The following RPS6KC1 variants were observed in gnomAD, a reference collection of about 807,000 sequenced individuals.
RPS6KC1 encodes inactive ribosomal protein S6 kinase delta-1.
Under a neutral mutation model 103.8 loss-of-function variants are expected in RPS6KC1, and 54 were observed. The ratio of observed to expected loss-of-function variants is 0.52; its 90% CI spans 0.42 to 0.65. The LOEUF (loss-of-function observed/expected upper bound fraction) is 0.65. RPS6KC1 is among the 30% of genes least tolerant of loss of function. The pLI is 0.00. For missense variants in RPS6KC1, 1,151 were observed against 1,253.8 expected (o/e 0.92, Z 1.24); for synonymous variants, 439 against 438.7 (o/e 1.00, Z -0.01).
At chr1:213,123,802 C>T (rs1012563293) in intron 5 of RPS6KC1, among the ~76,000 whole-genome samples, 1 of 152,022 alleles carries the variant, frequency 6.6e-6, no homozygotes, top group Non-Finnish European at 1.5e-5. Context: ...CCTCAGGGCT[C>T]AGTGAAAGCT....
the RPS6KC1 span, among the ~76,000 whole-genome samples, chr1:213,578,064 G>T: frequency 6.6e-6 from 1 of 152,234 alleles, no homozygotes; most frequent in African/African-American, 2.4e-5. Flanking sequence ...GGGCTTTGCT[G>T]CACTGTGCAG....
At chr1:213,850,361 G>A in the RPS6KC1 span, among the ~76,000 whole-genome samples, 1,474 of 152,236 alleles carry the variant, frequency 9.7e-3, 13 homozygotes, top group South Asian at 0.056. Context: ...AGGACACTGT[G>A]TGTTTTACTG....
the RPS6KC1 span, among the ~76,000 whole-genome samples, chr1:213,808,495 TC>T: frequency 1.3e-5 from 2 of 152,148 alleles, no homozygotes. Context: ...TGGGTGCCCC[TC>T]CCCCAGCCTC....
At chr1:213,146,952 A>T (rs1377380813) in intron 6 of RPS6KC1, among the ~76,000 whole-genome samples, 17 of 152,132 alleles carry the variant, frequency 1.1e-4, no homozygotes, top group Admixed American at 1.1e-3. Context: ...ATGATCAGTG[A>T]TGTTGAGCAC....
At chr1:213,577,688 G>T in the RPS6KC1 span, among the ~76,000 whole-genome samples, 1 of 152,332 alleles carries the variant, frequency 6.6e-6, no homozygotes, top group South Asian at 2.1e-4. Flanking sequence ...CTTTGAACTT[G>T]AGAGAGATGA....
At chr1:213,603,828 C>A in the RPS6KC1 span, among the ~76,000 whole-genome samples, 1 of 151,792 alleles carries the variant, frequency 6.6e-6, no homozygotes, top group Non-Finnish European at 1.5e-5. Context: ...CCACTGTACT[C>A]CAGCCCGGGC....
chr1:213,505,571 A>T, the RPS6KC1 span, among the ~76,000 whole-genome samples: 1 of 152,232 alleles, frequency 6.6e-6, no homozygotes, highest in South Asian at 2.1e-4. Context: ...GATTGAGCAC[A>T]CTGGCTGACA....
chr1:213,584,214 G>GGAACTGT, the RPS6KC1 span, among the ~76,000 whole-genome samples: 1 of 152,212 alleles, frequency 6.6e-6, no homozygotes, highest in Non-Finnish European at 1.5e-5. Flanking sequence ...CCAGCCATGT[G>GGAACTGT]GAACTGTGAA....
At chr1:213,122,780 A>G (rs2084541945) in intron 5 of RPS6KC1, among the ~76,000 whole-genome samples, 1 of 152,032 alleles carries the variant, frequency 6.6e-6, no homozygotes. Flanking sequence ...TTATGTGCTT[A>G]TTTACCCAAC....
the RPS6KC1 span, among the ~76,000 whole-genome samples, chr1:213,632,056 G>C: frequency 3.3e-5 from 5 of 152,146 alleles, no homozygotes; most frequent in Non-Finnish European, 5.9e-5. Context: ...ATGCTTTTGA[G>C]ATTCATGAGA....
At chr1:213,726,353 G>A in the RPS6KC1 span, among the ~76,000 whole-genome samples, 4 of 152,152 alleles carry the variant, frequency 2.6e-5, no homozygotes, top group Admixed American at 1.3e-4. Context: ...AGGATTATGG[G>A]CATAAACTAC....
At chr1:213,498,772 A>ATTTTTTTTTTTTTT in the RPS6KC1 span, among the ~76,000 whole-genome samples, 1 of 112,026 alleles carries the variant, frequency 8.9e-6, no homozygotes, top group Non-Finnish European at 1.9e-5. Flanking sequence ...GTTTTCTAAG[A>ATTTTTTTTTTTTTT]TTTTTTTTTT....
intron 4 of RPS6KC1, among the ~76,000 whole-genome samples, chr1:213,106,542 C>G (rs1572561959): frequency 1.3e-5 from 2 of 152,144 alleles, no homozygotes; most frequent in African/African-American, 4.8e-5. Context: ...TGACTCTTAG[C>G]TTTCTAGTTC....
chr1:213,583,839 GAA>G, the RPS6KC1 span, among the ~76,000 whole-genome samples: 12,964 of 123,704 alleles, frequency 0.1, 707 homozygotes, highest in Non-Finnish European at 0.13. Flanking sequence ...AAAAAAAAAA[GAA>G]AAAAGAAAAA....
At chr1:213,140,170 A>G (rs572080582) in intron 6 of RPS6KC1, among the ~76,000 whole-genome samples, 38 of 152,092 alleles carry the variant, frequency 2.5e-4, no homozygotes, top group Non-Finnish European at 4.6e-4. Flanking sequence ...TAGAAATGCT[A>G]CTAATTTTTG....
the RPS6KC1 span, among the ~76,000 whole-genome samples, chr1:213,287,167 G>C: frequency 6.6e-6 from 1 of 152,144 alleles, no homozygotes; most frequent in Non-Finnish European, 1.5e-5. Context: ...GATCATTGGT[G>C]CATTGGGGGA....
chr1:213,210,680 T>C (rs1394203871), intron 8 of RPS6KC1, among the ~76,000 whole-genome samples: 1 of 152,254 alleles, frequency 6.6e-6, no homozygotes, highest in Non-Finnish European at 1.5e-5. Flanking sequence ...CATTTAAAAA[T>C]AATGTTAAAT....
chr1:213,705,793 T>C, the RPS6KC1 span, among the ~76,000 whole-genome samples: 7,536 of 152,184 alleles, frequency 0.05, 627 homozygotes, highest in African/African-American at 0.17. Context: ...GACTCTCCAG[T>C]TGGTAGGTGA....
the RPS6KC1 span, among the ~76,000 whole-genome samples, chr1:213,543,496 G>T: frequency 5.9e-5 from 9 of 152,182 alleles, no homozygotes; most frequent in Non-Finnish European, 1.3e-4. Flanking sequence ...GAACAGGGAG[G>T]AAGTATTCAG....
Sources: allele counts gnomAD v4.1 joint callset (sites outside exome capture counted in the v4.1 genomes callset), GRCh38; gene constraint gnomAD v4.1.1; transcripts MANE v1.5; gene names NCBI Gene and HGNC (gene_info 2026-07-23, HGNC 2026-07-21).